Variants in LIPA observed in about 807,000 individuals in gnomAD.
LIPA encodes the protein lipase A, lysosomal acid type.
LIPA carries 26 observed loss-of-function variants against 40.6 expected under a neutral mutation model. The observed-to-expected ratio is 0.64, with a 90% CI of 0.47 to 0.89. The LOEUF (loss-of-function observed/expected upper bound fraction) is 0.89, where lower values mean the gene tolerates loss of function less well. LIPA is among the 40% of genes least tolerant of loss of function. The pLI is 0.00. For missense variants in LIPA, 455 were observed against 479.6 expected, an observed-to-expected ratio of 0.95 and a Z score of 0.48; for synonymous variants, 188 against 168.4, an observed-to-expected ratio of 1.12 and a Z score of -0.90.
chr10:89,296,491 A>AT (rs1456979732), intron 1 of LIPA, among the ~76,000 whole-genome samples: 2 of 141,786 alleles, frequency 1.4e-5, no homozygotes, highest in Non-Finnish European at 3.1e-5. Flanking sequence ...GACTGTCTCA[A>AT]AAAAAAAAAA....
intron 6 of LIPA, among the ~76,000 whole-genome samples, 162 bp from the exon 7 acceptor site, chr10:89,223,992 A>G (rs922057913): frequency 5.3e-5 from 8 of 152,248 alleles, no homozygotes; most frequent in Non-Finnish European, 5.9e-5. Flanking sequence ...CTTTTGCACA[A>G]GTTTACCAAA....
At chr10:89,262,613 TC>T (rs1444094395) in intron 1 of LIPA, among the ~76,000 whole-genome samples, 1 of 152,210 alleles carries the variant, frequency 6.6e-6, no homozygotes, top group Non-Finnish European at 1.5e-5. Flanking sequence ...CAAAGAATGG[TC>T]CCTGGCCCAG....
chr10:89,402,061 T>G (rs1279902659), intron 2 of LIPA, among the ~76,000 whole-genome samples: 1 of 152,208 alleles, frequency 6.6e-6, no homozygotes, highest in Non-Finnish European at 1.5e-5. Context: ...GACTCATAAG[T>G]ACAGAATAGT....
intron 1 of LIPA, among the ~76,000 whole-genome samples, chr10:89,341,181 G>T (rs535538475): frequency 1.3e-5 from 2 of 152,142 alleles, no homozygotes; most frequent in East Asian, 1.9e-4. Flanking sequence ...CAGCCTAGGA[G>T]CCCCAACTAA....
intron 8 of LIPA, among the ~76,000 whole-genome samples, chr10:89,218,468 T>G (rs1250471232): frequency 2.0e-5 from 3 of 152,248 alleles, no homozygotes; most frequent in Non-Finnish European, 4.4e-5. Context: ...TTCCCATTCT[T>G]GCCTTCTTCC....
chr10:89,337,326 A>G (rs1483831374), intron 1 of LIPA, among the ~76,000 whole-genome samples: 1 of 152,242 alleles, frequency 6.6e-6, no homozygotes, highest in Non-Finnish European at 1.5e-5. Context: ...ATAAAGAGTC[A>G]TGGGATAGCT....
At chr10:89,383,754 G>A (rs369800890) in intron 2 of LIPA, 3 of 1,614,054 alleles carry the variant, frequency 1.9e-6, no homozygotes, top group Non-Finnish European at 2.5e-6. Context: ...AGGAAGGATG[G>A]GCCTTGGCGA....
chr10:89,347,314 G>A (rs979280470), upstream of LIPA, among the ~76,000 whole-genome samples: 5 of 152,336 alleles, frequency 3.3e-5, no homozygotes, highest in South Asian at 8.3e-4. Context: ...GACTGATCAT[G>A]TATGCACCCT....
intron 2 of LIPA, chr10:89,384,647 T>C (rs1322324156): frequency 1.2e-6 from 2 of 1,614,120 alleles, no homozygotes; most frequent in South Asian, 2.2e-5. Flanking sequence ...CTCCTTGGGC[T>C]TATCCACAAA....
At chr10:89,324,862 C>T (rs940689542) in intron 1 of LIPA, among the ~76,000 whole-genome samples, 6 of 152,112 alleles carry the variant, frequency 3.9e-5, no homozygotes, top group Admixed American at 3.9e-4. Flanking sequence ...ACAACTCATC[C>T]TTTTTTATGG....
rs375085576 is a variant in LIPA at position 89,414,538 on chromosome 10, C to T, written c.-203G>A. On this transcript the variant is annotated 5_prime_UTR_variant, in exon 1 of 9. Transcript: ENST00000371837. ...TTCTATTAAGTTTCGGTTTCTGAAG[C>T]TTACGTTTAGTTTCGATTTCTTAAG... is the stretch of plus-strand genomic sequence containing the variant. 123 of 442,858 alleles carry T rather than the reference C, an allele frequency of 2.8e-4. No individual in the cohort carries two copies. In the East Asian group the frequency reaches 4.4e-3, roughly 16 times the overall value. 27.4% of individuals were successfully genotyped at this position (442,858 alleles called of 1,614,324 possible).
intron 3 of LIPA, among the ~76,000 whole-genome samples, chr10:89,230,451 C>T (rs540576580): frequency 2.0e-5 from 3 of 152,220 alleles, no homozygotes; most frequent in South Asian, 2.1e-4. Flanking sequence ...GGATTTCAGG[C>T]GTGCACCAAC....
intron 1 of LIPA, among the ~76,000 whole-genome samples, chr10:89,304,758 T>C (rs1843467817): frequency 6.6e-6 from 1 of 152,146 alleles, no homozygotes; most frequent in African/African-American, 2.4e-5. Flanking sequence ...TTTAGGGGTT[T>C]TTTTGTTGTT....
rs1554866004 is a variant in LIPA, at chr10:89,228,199, C to T, written c.428+1G>A. On this transcript the variant is annotated splice_donor_variant, in intron 4 of 9. Coordinates refer to ENST00000336233, the MANE Select transcript of LIPA (RefSeq NM_000235.4). LOFTEE classifies it high-confidence loss of function. ...CCATGCCATTATCAATTCATATATA[C>T]CTGAAAGCCCAGAATTCATCCTGAG... 6.2e-7 allele frequency: 1 copy of T among 1,612,728 alleles called. No homozygotes were observed. Among genetic ancestry groups the T allele is most frequent in the Non-Finnish European group, 8.5e-7 (1 of 1,178,736 alleles).
intron 1 of LIPA, among the ~76,000 whole-genome samples, chr10:89,322,087 G>A (rs1843575111): frequency 6.6e-6 from 1 of 152,058 alleles, no homozygotes; most frequent in South Asian, 2.1e-4. Flanking sequence ...GGGGAGGGAG[G>A]AGGGTTAGCA....
At chr10:89,259,184 G>C (rs1434672003) in intron 1 of LIPA, among the ~76,000 whole-genome samples, 2 of 152,202 alleles carry the variant, frequency 1.3e-5, no homozygotes, top group South Asian at 2.1e-4. Context: ...ATGGTATGCA[G>C]ATTGTATCTC....
At chr10:89,324,957 A>G (rs1002594321) in intron 1 of LIPA, among the ~76,000 whole-genome samples, 5 of 152,246 alleles carry the variant, frequency 3.3e-5, no homozygotes, top group Admixed American at 1.3e-4. Context: ...TATTGCAAAT[A>G]GTGCCGCAAT....
chr10:89,221,533 T>A (rs950673336), intron 8 of LIPA, among the ~76,000 whole-genome samples: 2 of 152,152 alleles, frequency 1.3e-5, no homozygotes, highest in African/African-American at 4.8e-5. Context: ...TTTAAAGCAA[T>A]TTGGTGATTC....
At chr10:89,339,308 A>C in intron 1 of LIPA, 1 of 1,613,898 alleles carries the variant, frequency 6.2e-7, no homozygotes, top group Non-Finnish European at 8.5e-7. Flanking sequence ...CTGAAACTGC[A>C]GAAGATGAAT....
Sources: allele counts gnomAD v4.1 joint callset (sites outside exome capture counted in the v4.1 genomes callset), GRCh38; gene constraint gnomAD v4.1.1; transcripts MANE v1.5; gene names NCBI Gene and HGNC (gene_info 2026-07-23, HGNC 2026-07-21).